POLQ: variants seen among roughly 807,000 people sequenced by gnomAD.
POLQ encodes the protein DNA polymerase theta.
A neutral mutation model predicts 259.2 loss-of-function variants in POLQ; 233 were observed. The observed-to-expected ratio is 0.90, with a 90% CI of 0.81 to 1.00. POLQ has a LOEUF of 1.00. POLQ is among the 50% of genes least tolerant of loss of function. POLQ has a pLI of 0.00. For missense variants in POLQ, 2,871 were observed against 3,051.6 expected, an observed-to-expected ratio of 0.94 and a Z score of 1.39; for synonymous variants, 1,025 against 1,048.8, an observed-to-expected ratio of 0.98 and a Z score of 0.44.
chr3:121,445,727 G>A (rs2047627468), intron 26 of POLQ, among the ~76,000 whole-genome samples: 1 of 152,004 alleles, frequency 6.6e-6, no homozygotes, highest in East Asian at 1.9e-4. Flanking sequence ...GCCAGGCACG[G>A]TGGCACATAC....
chr3:121,506,304 C>A (rs938457302), intron 12 of POLQ, among the ~76,000 whole-genome samples: 6 of 94,404 alleles, frequency 6.4e-5, no homozygotes, highest in Non-Finnish European at 1.1e-4. Flanking sequence ...AACAAAAAAA[C>A]ACACACACAA....
At chr3:121,440,245 T>G (rs1340359362) in intron 26 of POLQ, 129 bp from the exon 27 acceptor site, 6 of 628,656 alleles carry the variant, frequency 9.5e-6, no homozygotes, top group Non-Finnish European at 1.6e-5. Context: ...TATCGTCAAA[T>G]CAGGCATGCG....
chr3:121,518,274 G>A (rs1013553307), intron 9 of POLQ, among the ~76,000 whole-genome samples: 7 of 152,152 alleles, frequency 4.6e-5, no homozygotes, highest in African/African-American at 1.7e-4. Context: ...TAAGGCACTA[G>A]GGAACATTAG....
chr3:121,513,464 T>C (rs1329001068), intron 9 of POLQ, among the ~76,000 whole-genome samples: 1 of 151,292 alleles, frequency 6.6e-6, no homozygotes, highest in African/African-American at 2.4e-5. Context: ...TAGCTGGGCA[T>C]GGTGGCACGC....
At chr3:121,516,495 T>C (rs1285798497) in intron 9 of POLQ, among the ~76,000 whole-genome samples, 3 of 152,130 alleles carry the variant, frequency 2.0e-5, no homozygotes, top group African/African-American at 7.2e-5. Context: ...TTATAAAATG[T>C]CCAAATGAAC....
chr3:121,440,891 T>C (rs573791747), intron 26 of POLQ, among the ~76,000 whole-genome samples: 105 of 152,270 alleles, frequency 6.9e-4, no homozygotes, highest in Middle Eastern at 3.4e-3. Flanking sequence ...TGAGTTACGA[T>C]AAATATTTCA....
Position 121,446,555 on chromosome 3 carries a change from A to ATC in POLQ, c.7264+2758_7264+2759dup, listed in dbSNP as rs558940108. On this transcript the variant is annotated intron_variant, in intron 26 of 29. Transcript: ENST00000264233. Reference sequence around the variant, plus strand: ...GAAATCTCCAGTTATTATTATTGGGATCTCTCTCTCTCTCTCTTTAGCTCT... The same window carrying ATC: ...GAAATCTCCAGTTATTATTATTGGGATCTCTCTCTCTCTCTCTCTTTAGCTCT... Among the ~76,000 whole-genome samples the ATC allele has an allele frequency of 9.0e-4, 135 of 150,340 alleles. 1 individual carries two copies. The highest frequency in any genetic ancestry group is 2.8e-3 in the African/African-American group (114 of 41,074).
chr3:121,522,398 G>A (rs1247921779), intron 7 of POLQ, among the ~76,000 whole-genome samples: 7 of 127,794 alleles, frequency 5.5e-5, no homozygotes, highest in South Asian at 2.8e-4. Context: ...TGCAAGCTCC[G>A]CTTCCCGGGT....
intron 9 of POLQ, among the ~76,000 whole-genome samples, chr3:121,519,530 G>T (rs1207183921): frequency 1.3e-5 from 2 of 150,476 alleles, no homozygotes; most frequent in Admixed American, 6.6e-5. Context: ...AAAAAAATTA[G>T]CCGGGCATGG....
chr3:121,528,728 G>A (rs968397061), intron 7 of POLQ, among the ~76,000 whole-genome samples: 10 of 152,104 alleles, frequency 6.6e-5, no homozygotes, highest in African/African-American at 2.2e-4. Context: ...CAAGGCAGGC[G>A]GATCACTTCA....
intron 1 of POLQ, 71 bp downstream of exon 1, chr3:121,545,644 A>C: frequency 1.4e-6 from 2 of 1,410,586 alleles, no homozygotes; most frequent in South Asian, 2.7e-5. Flanking sequence ...CCGTGGGGTG[A>C]GGACACCTCC....
At chr3:121,541,563 G>A in intron 2 of POLQ, 84 bp from the exon 3 acceptor site, 2 of 1,231,718 alleles carry the variant, frequency 1.6e-6, no homozygotes, top group South Asian at 1.5e-5. Flanking sequence ...GCCATGTGTA[G>A]TACTACAGAG....
intron 24 of POLQ, among the ~76,000 whole-genome samples, chr3:121,466,413 A>G (rs1459796844): frequency 1.2e-5 from 1 of 84,358 alleles, no homozygotes; most frequent in Non-Finnish European, 2.6e-5. Flanking sequence ...CACCTTAGCC[A>G]GGCGCAGTGG....
intron 25 of POLQ, among the ~76,000 whole-genome samples, chr3:121,454,486 C>G (rs1259756082): frequency 2.0e-5 from 3 of 152,014 alleles, no homozygotes; most frequent in Non-Finnish European, 4.4e-5. Context: ...TTCAGGAGAC[C>G]CATCTCACGT....
chr3:121,519,848 C>A (rs1351900385), intron 9 of POLQ, 23 bp downstream of exon 9: 4 of 1,271,620 alleles, frequency 3.1e-6, no homozygotes, highest in Non-Finnish European at 4.6e-6. Context: ...AATGCTGCTA[C>A]AATTAAATTC....
At chr3:121,438,315 G>C (rs2047561312) in intron 27 of POLQ, among the ~76,000 whole-genome samples, 1 of 152,064 alleles carries the variant, frequency 6.6e-6, no homozygotes. Flanking sequence ...GCATCTTCAG[G>C]TACAATAATA....
chr3:121,490,355 A>G lies in POLQ; in HGVS notation c.2576T>C (p.Met859Thr). 14 of 1,614,240 alleles carry G rather than the reference A, an allele frequency of 8.7e-6. No homozygotes were observed. Among genetic ancestry groups the G allele is most frequent in the Non-Finnish European group, 1.2e-5 (14 of 1,180,048 alleles). Residue 859 changes from methionine (M) to threonine (T), a missense_variant, in exon 16 of 30, where the codon ATG (methionine) becomes ACG (threonine). Met to Thr is a moderately conservative substitution (Grantham distance 81, BLOSUM62 -1). This residue lies in a region of POLQ where 2,080 missense variants were observed against 2,126.0 expected (regional missense o/e 0.98). Coordinates refer to ENST00000264233, the MANE Select transcript of POLQ (RefSeq NM_199420.4). The part of the protein sequence containing the change: ...EEEAVEERRN[M>T]RTIWVTGRKG... ...TCTGCCAGTCACCCAGATAGTTCGCATATTGCGACGTTCTTCAACTGCTTC... is the reference window on the plus strand; with the variant it reads ...TCTGCCAGTCACCCAGATAGTTCGCGTATTGCGACGTTCTTCAACTGCTTC...
chr3:121,467,701 C>A, intron 23 of POLQ, 61 bp from the exon 24 acceptor site: 2 of 1,517,998 alleles, frequency 1.3e-6, no homozygotes, highest in Non-Finnish European at 1.8e-6. Context: ...TGAAAAAGGT[C>A]TGATTTTCAG....
chr3:121,450,834 C>T (rs1335582226), intron 25 of POLQ, among the ~76,000 whole-genome samples: 2 of 152,140 alleles, frequency 1.3e-5, no homozygotes, highest in Admixed American at 1.3e-4. Context: ...GAATGTTGGG[C>T]TGCCTTGCTA....
Sources: gnomAD v4.1 joint callset for allele counts (sites outside exome capture counted in the v4.1 genomes callset) on GRCh38, gnomAD v4.1.1 for gene constraint, gnomAD v4.1.1 regional missense constraint, MANE v1.5 for transcripts, NCBI Gene and HGNC (gene_info 2026-07-23, HGNC 2026-07-21) for gene names.